The following GABBR2 variants were observed in gnomAD, a reference collection of about 807,000 sequenced individuals.
GABBR2 encodes G-protein coupled receptor 51.
Under a neutral mutation model 105.6 loss-of-function variants are expected in GABBR2, and 23 were observed. The ratio of observed to expected loss-of-function variants is 0.22; its 90% CI spans 0.16 to 0.31. The LOEUF (loss-of-function observed/expected upper bound fraction) is 0.31, where lower values mean the gene tolerates loss of function less well. Ranked by LOEUF, GABBR2 falls within the 10% of genes least tolerant of loss-of-function variation. The probability of loss-of-function intolerance (pLI) is 1.00; values close to 1 mark genes in which losing one functional copy is unlikely to be tolerated. For synonymous variants in GABBR2, 478 were observed against 499.7 expected (o/e 0.96, Z 0.58); for missense variants, 734 against 1,245.5 (o/e 0.59, Z 6.18).
intron 11 of GABBR2, among the ~76,000 whole-genome samples, chr9:98,374,146 A>G (rs1831833005): frequency 2.0e-5 from 3 of 152,138 alleles, no homozygotes; most frequent in African/African-American, 7.2e-5. Context: ...GGCAAGAGCC[A>G]CTGCACCTGG....
At position 98,578,218 on chromosome 9, in the gene GABBR2, G is replaced by T. The variant is rs1828948306; in HGVS notation, c.322-146C>A. 4 of 807,312 alleles carry T rather than the reference G, an allele frequency of 5.0e-6. No homozygotes were observed. In the East Asian group the frequency reaches 1.0e-4, roughly 21 times the overall value. 50.0% of individuals were successfully genotyped at this position (807,312 alleles called of 1,614,324 possible). A position where few individuals can be genotyped will look rare whatever the true frequency, so the allele number is the denominator to read the frequency against. On this transcript the variant is annotated intron_variant, in intron 1 of 18. Transcript: ENST00000259455. ...GGGAGTCTCCTTAAGCCAGCCCTGAGTCCACGCTGTAAGCTCCAGGAGTGT... is the reference window on the plus strand; with the variant it reads ...GGGAGTCTCCTTAAGCCAGCCCTGATTCCACGCTGTAAGCTCCAGGAGTGT...
intron 13 of GABBR2, among the ~76,000 whole-genome samples, chr9:98,337,971 G>A (rs1439767501): frequency 6.6e-6 from 1 of 152,130 alleles, no homozygotes; most frequent in East Asian, 1.9e-4. Context: ...GCAGTGAGCT[G>A]AGATTGTGCC....
intron 1 of GABBR2, among the ~76,000 whole-genome samples, chr9:98,615,095 G>A (rs1006082603): frequency 7.9e-5 from 12 of 152,142 alleles, no homozygotes; most frequent in African/African-American, 2.9e-4. Flanking sequence ...ACAACCTCAG[G>A]TCAGCCCTGG....
At chr9:98,293,670 G>A in intron 18 of GABBR2, 115 bp downstream of exon 18, 1 of 641,234 alleles carries the variant, frequency 1.6e-6, no homozygotes, top group Non-Finnish European at 2.8e-6. Flanking sequence ...ATCATGGGAT[G>A]GCTGTGGAAA....
chr9:98,357,703 T>C (rs984818811), intron 13 of GABBR2, among the ~76,000 whole-genome samples: 3 of 151,510 alleles, frequency 2.0e-5, no homozygotes, highest in African/African-American at 7.3e-5. Flanking sequence ...CCCCACATCA[T>C]AGTTTCTGAA....
rs575805842 is a variant in GABBR2, at chr9:98,606,253, T to C, written c.322-28181A>G. Among the ~76,000 whole-genome samples, 26 of 152,346 alleles carry C rather than the reference T, an allele frequency of 1.7e-4. No homozygotes were observed. In the South Asian group the frequency reaches 1.9e-3, roughly 11 times the overall value. ...AAACATACGTGTGCGTGTGTCTTTA[T>C]AGCAGCATGATTTATAATCCTTTGG... On this transcript the variant is annotated intron_variant, in intron 1 of 18. Transcript: ENST00000259455.
At chr9:98,517,720 C>CA (rs1405865904) in intron 3 of GABBR2, among the ~76,000 whole-genome samples, 3 of 152,202 alleles carry the variant, frequency 2.0e-5, no homozygotes, top group African/African-American at 7.2e-5. Context: ...CTGCTTTTTT[C>CA]ATGGAATTAG....
At chr9:98,342,943 T>A (rs1449611461) in intron 13 of GABBR2, among the ~76,000 whole-genome samples, 1 of 152,174 alleles carries the variant, frequency 6.6e-6, no homozygotes. Flanking sequence ...AGGATTGACT[T>A]TTTTTCCCCC....
chr9:98,530,699 G>A (rs1320271360), intron 3 of GABBR2, among the ~76,000 whole-genome samples: 10 of 152,150 alleles, frequency 6.6e-5, no homozygotes, highest in African/African-American at 1.4e-4. Flanking sequence ...CCAGAAGATC[G>A]CTTGAGCCCA....
At chr9:98,429,148 G>A (rs1588155926) in intron 7 of GABBR2, among the ~76,000 whole-genome samples, 1 of 151,926 alleles carries the variant, frequency 6.6e-6, no homozygotes, top group East Asian at 1.9e-4. Flanking sequence ...GTGTGTGTGT[G>A]TGTGTGTTTG....
chr9:98,612,831 G>A (rs898034690), intron 1 of GABBR2, among the ~76,000 whole-genome samples: 1 of 152,192 alleles, frequency 6.6e-6, no homozygotes, highest in African/African-American at 2.4e-5. Flanking sequence ...TGGGGTAACA[G>A]AGACTCATAG....
intron 1 of GABBR2, among the ~76,000 whole-genome samples, chr9:98,674,000 G>A: frequency 6.6e-6 from 1 of 152,152 alleles, no homozygotes; most frequent in East Asian, 1.9e-4. Context: ...TAGGGAAGGA[G>A]AAATGGTTTA....
intron 13 of GABBR2, among the ~76,000 whole-genome samples, chr9:98,355,961 A>G (rs1831476168): frequency 6.6e-6 from 1 of 152,258 alleles, no homozygotes; most frequent in African/African-American, 2.4e-5. Context: ...CAATGGAGAA[A>G]AGATCGTCTT....
chr9:98,302,265 T>TA (rs1383267174), intron 16 of GABBR2, among the ~76,000 whole-genome samples: 1 of 152,248 alleles, frequency 6.6e-6, no homozygotes, highest in East Asian at 1.9e-4. Flanking sequence ...TTTTTGGTGT[T>TA]ACTGCTTAAA....
chr9:98,422,374 A>G (rs576403491), intron 7 of GABBR2, among the ~76,000 whole-genome samples: 1 of 152,260 alleles, frequency 6.6e-6, no homozygotes, highest in Admixed American at 6.5e-5. Context: ...GGCATTCAGG[A>G]CAGCGTCTGG....
Position 98,311,136 on chromosome 9 carries a change from T to C in GABBR2, c.1963A>G (p.Ile655Val). ...LEHCENTHMTIWLGIVYAYKG... is the reference protein window; with the variant it reads ...LEHCENTHMTVWLGIVYAYKG... ...TAGGCATAGACGATGCCAAGCCAGA[T>C]GGTCATATGGGTGTTCTCACAGTGC... Residue 655 changes from isoleucine (I) to valine (V), a missense_variant, in exon 14 of 19, where the codon ATC (isoleucine) becomes GTC (valine). Transcript: ENST00000259455. 2.5e-6 allele frequency: 4 copies of C among 1,613,250 alleles called. No homozygotes were observed. Among genetic ancestry groups the C allele is most frequent in the Non-Finnish European group, 2.5e-6 (3 of 1,179,232 alleles).
chr9:98,428,133 T>C (rs1170851318), intron 7 of GABBR2, among the ~76,000 whole-genome samples: 2 of 152,178 alleles, frequency 1.3e-5, no homozygotes, highest in Non-Finnish European at 1.5e-5. Context: ...GGAAACATAA[T>C]TCATCCTGGA....
At chr9:98,609,780 G>T (rs915839335) in intron 1 of GABBR2, among the ~76,000 whole-genome samples, 1 of 152,196 alleles carries the variant, frequency 6.6e-6, no homozygotes, top group Non-Finnish European at 1.5e-5. Flanking sequence ...CATCCTCAAA[G>T]TCTTTGTGAT....
intron 2 of GABBR2, among the ~76,000 whole-genome samples, chr9:98,565,508 T>A (rs1192064808): frequency 6.6e-6 from 1 of 152,112 alleles, no homozygotes; most frequent in Non-Finnish European, 1.5e-5. Context: ...CCCACTCCTC[T>A]TACACAGGGG....
Sources: allele counts gnomAD v4.1 joint callset (sites outside exome capture counted in the v4.1 genomes callset), GRCh38; gene constraint gnomAD v4.1.1; transcripts MANE v1.5; gene names NCBI Gene and HGNC (gene_info 2026-07-23, HGNC 2026-07-21).